Variants in RABEP1 observed in about 807,000 individuals in gnomAD.
RABEP1 encodes the protein rabaptin, RAB GTPase binding effector protein 1, also known as rab GTPase-binding effector protein 1.
A neutral mutation model predicts 123.4 loss-of-function variants in RABEP1; 51 were observed. That is an observed-to-expected ratio of 0.41 (90% confidence interval 0.33 to 0.52). The LOEUF (loss-of-function observed/expected upper bound fraction) is 0.52. Among genes scored for constraint, RABEP1 ranks in the 20% least tolerant of loss-of-function variants. The pLI, the probability that RABEP1 is intolerant of heterozygous loss-of-function variation, is 0.16. For missense variants in RABEP1, 888 were observed against 996.3 expected (o/e 0.89, Z 1.46); for synonymous variants, 347 against 355.2 (o/e 0.98, Z 0.26).
At chr17:5,295,024 G>A (rs888932666) in intron 1 of RABEP1, among the ~76,000 whole-genome samples, 7 of 151,980 alleles carry the variant, frequency 4.6e-5, no homozygotes, top group African/African-American at 1.7e-4. Flanking sequence ...GAAAATTACA[G>A]TACTTTTATA....
At chr17:5,375,751 C>T (rs763532404) in intron 13 of RABEP1, among the ~76,000 whole-genome samples, 5 of 151,984 alleles carry the variant, frequency 3.3e-5, no homozygotes, top group Non-Finnish European at 5.9e-5. Flanking sequence ...CTTTTGCTAT[C>T]AGCTTAAAAT....
chr17:5,380,917 CAG>C (rs1418579205), intron 16 of RABEP1, among the ~76,000 whole-genome samples: 1 of 152,192 alleles, frequency 6.6e-6, no homozygotes, highest in Non-Finnish European at 1.5e-5. Flanking sequence ...AAAGTGCAGA[CAG>C]TGTTGCTGAA....
chr17:5,326,530 T>C (rs1368523772), intron 2 of RABEP1, among the ~76,000 whole-genome samples: 4 of 152,076 alleles, frequency 2.6e-5, no homozygotes, highest in African/African-American at 9.7e-5. Flanking sequence ...TTTAGAGCAG[T>C]GAAACTATTT....
Position 5,365,368 on chromosome 17 carries a change from G to T in RABEP1, c.1785+130G>T, listed in dbSNP as rs576546493. ...AGTTTTATTTTCCCTCAGGTAAAAA[G>T]ATTTCTTACTGATCATTCTGTGATC... is the stretch of plus-strand genomic sequence containing the variant. On this transcript the variant is annotated intron_variant, in intron 11 of 17. Transcript: ENST00000537505. 19 of 538,700 alleles carry T rather than the reference G, an allele frequency of 3.5e-5. 1 individual carries two copies. The highest frequency in any genetic ancestry group is 2.0e-4 in the African/African-American group (10 of 50,708). 33.4% of individuals were successfully genotyped at this position (538,700 alleles called of 1,614,324 possible).
chr17:5,381,726 C>T (rs985912308), intron 17 of RABEP1: 4 of 596,002 alleles, frequency 6.7e-6, no homozygotes, highest in Non-Finnish European at 1.0e-5. Flanking sequence ...ATTTTGCCTC[C>T]TTATGAGTAA....
intron 1 of RABEP1, among the ~76,000 whole-genome samples, chr17:5,299,969 C>G (rs944969774): frequency 5.9e-5 from 9 of 152,004 alleles, no homozygotes; most frequent in Admixed American, 5.3e-4. Context: ...ACCTCATGAT[C>G]TGCCCACCTC....
chr17:5,287,135 G>C (rs116901662), intron 1 of RABEP1, among the ~76,000 whole-genome samples: 2,199 of 152,288 alleles, frequency 0.014, 22 homozygotes, highest in Non-Finnish European at 0.022. Flanking sequence ...GAGAGGTAAC[G>C]AGGTGGAGGC....
intron 11 of RABEP1, among the ~76,000 whole-genome samples, chr17:5,367,363 C>T (rs967958472): frequency 2.6e-5 from 4 of 151,734 alleles, no homozygotes; most frequent in Admixed American, 6.6e-5. Context: ...CGTCTGCCTC[C>T]CAGGTTCAAG....
Position 5,368,429 on chromosome 17 carries a change from G to C in RABEP1, c.1845G>C (p.Gln615His). The change falls in exon 12 of 18, where the codon CAG (glutamine) becomes CAC (histidine). Residue 615 changes from glutamine (Q) to histidine (H), a missense_variant. By Grantham distance (24) the Gln-to-His change is conservative (BLOSUM62 0). Transcript: ENST00000537505. ...ASEILLEELQ[Q>H]GLSQAKRDVQ... Reference sequence around the variant, plus strand: ...AGATCTTACTTGAAGAGTTACAGCAGGGGCTTTCCCAGGCAAAGAGGGATG... The same window carrying C: ...AGATCTTACTTGAAGAGTTACAGCACGGGCTTTCCCAGGCAAAGAGGGATG... 1.2e-6 allele frequency: 2 copies of C among 1,613,670 alleles called. No individual in the cohort carries two copies. The highest frequency in any genetic ancestry group is 1.3e-5 in the African/African-American group (1 of 74,894).
chr17:5,355,261 C>T (rs1339149751), intron 8 of RABEP1, among the ~76,000 whole-genome samples: 5 of 152,192 alleles, frequency 3.3e-5, no homozygotes, highest in Non-Finnish European at 5.9e-5. Flanking sequence ...TGTTGGTCAT[C>T]ATCTTGGGCT....
chr17:5,335,125 T>C, intron 3 of RABEP1, 59 bp from the exon 4 acceptor site: 2 of 1,427,662 alleles, frequency 1.4e-6, no homozygotes, highest in South Asian at 1.4e-5. Context: ...AAATTTAGTG[T>C]GCCAGGTTAT....
intron 3 of RABEP1, among the ~76,000 whole-genome samples, chr17:5,334,175 A>G (rs2144605581): frequency 6.6e-6 from 1 of 151,790 alleles, no homozygotes; most frequent in South Asian, 2.1e-4. Flanking sequence ...CTGGGACCAC[A>G]GACATGGCGA....
intron 2 of RABEP1, among the ~76,000 whole-genome samples, chr17:5,319,518 C>G (rs1035142036): frequency 6.6e-6 from 1 of 151,898 alleles, no homozygotes; most frequent in African/African-American, 2.4e-5. Context: ...AGGCGCCCGC[C>G]ACCACACCTG....
intron 2 of RABEP1, among the ~76,000 whole-genome samples, chr17:5,329,302 G>A (rs781474500): frequency 1.3e-3 from 196 of 151,962 alleles, no homozygotes; most frequent in African/African-American, 4.4e-3. Flanking sequence ...AGGCTGAGGC[G>A]GGCGATCACC....
At position 5,378,240 on chromosome 17, in the gene RABEP1, G is replaced by A. The variant is rs754474705; in HGVS notation, c.2271+8G>A. The A allele has an allele frequency of 1.3e-5, 20 of 1,578,208 alleles. No individual in the cohort carries two copies. The highest frequency in any genetic ancestry group is 4.5e-5 in the East Asian group (2 of 44,662). ...AAAGTGGAAAAAGGACAGGTAAGTC[G>A]TGAGTTTCAAATTAATTCTATCAGC... On this transcript the variant is annotated splice_region_variant and intron_variant, in intron 15 of 17. Transcript: ENST00000537505.
intron 1 of RABEP1, among the ~76,000 whole-genome samples, chr17:5,290,151 G>A (rs899539655): frequency 4.6e-5 from 7 of 152,136 alleles, no homozygotes; most frequent in African/African-American, 1.4e-4. Context: ...GCAGTGGCAC[G>A]ATCTCAGCTC....
chr17:5,362,646 C>A (rs544551543), intron 9 of RABEP1, among the ~76,000 whole-genome samples: 27 of 152,250 alleles, frequency 1.8e-4, no homozygotes, highest in African/African-American at 6.5e-4. Flanking sequence ...TGGGATAGTA[C>A]CTTTTGCTTG....
At chr17:5,311,531 C>CA (rs1597343376) in intron 2 of RABEP1, among the ~76,000 whole-genome samples, 2 of 150,610 alleles carry the variant, frequency 1.3e-5, no homozygotes, top group Admixed American at 1.3e-4. Flanking sequence ...TCTGTCTCTA[C>CA]AAAAAAAATA....
intron 3 of RABEP1, among the ~76,000 whole-genome samples, chr17:5,332,821 T>A (rs1367062870): frequency 1.3e-5 from 2 of 152,048 alleles, no homozygotes; most frequent in Non-Finnish European, 2.9e-5. Context: ...TTGGTCAGGC[T>A]GGTCTTGAAC....
Sources: allele counts gnomAD v4.1 joint callset (sites outside exome capture counted in the v4.1 genomes callset), GRCh38; gene constraint gnomAD v4.1.1; transcripts MANE v1.5; gene names NCBI Gene and HGNC (gene_info 2026-07-23, HGNC 2026-07-21).